Variants in SLC10A6 observed in about 807,000 individuals in gnomAD.
SLC10A6 encodes the protein solute carrier family 10 member 6, also known as sodium-dependent organic anion transporter.
A neutral mutation model predicts 30.0 loss-of-function variants in SLC10A6; 27 were observed. That is an observed-to-expected ratio of 0.90 (90% CI 0.66 to 1.24). The LOEUF is 1.24. Ranked by LOEUF, SLC10A6 falls within the 50% of genes most tolerant of loss-of-function variation. The pLI is 0.00. For missense variants in SLC10A6, 439 were observed against 457.0 expected (o/e 0.96, Z 0.36); for synonymous variants, 166 against 173.8 (o/e 0.95, Z 0.36).
intron 1 of SLC10A6, among the ~76,000 whole-genome samples, chr4:86,843,530 C>A (rs1286863753): frequency 6.6e-6 from 1 of 152,136 alleles, no homozygotes; most frequent in Admixed American, 6.5e-5. Flanking sequence ...TATTTAACCT[C>A]AGATCCACTC....
chr4:86,844,661 C>A (rs530934144), intron 1 of SLC10A6, among the ~76,000 whole-genome samples: 1 of 152,302 alleles, frequency 6.6e-6, no homozygotes, highest in African/African-American at 2.4e-5. Flanking sequence ...AATGAGAGAT[C>A]ATGTAGTAAG....
intron 4 of SLC10A6, 109 bp downstream of exon 4, chr4:86,827,884 T>C (rs1746022005): frequency 6.3e-6 from 6 of 958,386 alleles, no homozygotes; most frequent in Non-Finnish European, 6.0e-6. Flanking sequence ...TCGATTCCAC[T>C]ATGTAAGTCA....
At chr4:86,842,379 C>T (rs1344214710) in intron 1 of SLC10A6, among the ~76,000 whole-genome samples, 2 of 152,136 alleles carry the variant, frequency 1.3e-5, no homozygotes, top group Non-Finnish European at 2.9e-5. Context: ...TTGTATATAT[C>T]AAAAGTTCTC....
chr4:86,842,347 T>C (rs543184742), intron 1 of SLC10A6, among the ~76,000 whole-genome samples: 9 of 152,280 alleles, frequency 5.9e-5, no homozygotes, highest in Admixed American at 2.0e-4. Context: ...CATAAATACA[T>C]CCTTACGGAA....
intron 1 of SLC10A6, among the ~76,000 whole-genome samples, chr4:86,837,270 AGAAAGAAAGAAAGAAAAAGAAAGGAAGG>A (rs2149412448): frequency 1.6e-5 from 2 of 121,602 alleles, no homozygotes; most frequent in South Asian, 5.2e-4. Context: ...AAAGAAAGAA[AGAAAGAAAGAAAGAAAAAGAAAGGAAGG>A]AAGGAAGGAA....
At chr4:86,832,037 A>C (rs1050855014) in intron 2 of SLC10A6, among the ~76,000 whole-genome samples, 157 bp from the exon 3 acceptor site, 1 of 152,238 alleles carries the variant, frequency 6.6e-6, no homozygotes, top group Non-Finnish European at 1.5e-5. Context: ...TTGGCTCCAA[A>C]GTTATATAAG....
chr4:86,834,691 G>A (rs1268541220), intron 1 of SLC10A6, among the ~76,000 whole-genome samples: 1 of 152,146 alleles, frequency 6.6e-6, no homozygotes, highest in African/African-American at 2.4e-5. Flanking sequence ...CAAGGGGATT[G>A]GAAGTGTATT....
chr4:86,827,616 A>G (rs994798116), intron 4 of SLC10A6, among the ~76,000 whole-genome samples: 2 of 152,088 alleles, frequency 1.3e-5, no homozygotes, highest in African/African-American at 4.8e-5. Context: ...CTAAAGAACT[A>G]AAATTATCCT....
At chr4:86,848,239 A>G (rs1194583426) in intron 1 of SLC10A6, among the ~76,000 whole-genome samples, 1 of 152,190 alleles carries the variant, frequency 6.6e-6, no homozygotes, top group Admixed American at 6.5e-5. Flanking sequence ...TGGCCACCAG[A>G]CACCCCTAAA....
intron 1 of SLC10A6, among the ~76,000 whole-genome samples, chr4:86,837,328 A>AGAGGAAGGAAGTAG: frequency 6.7e-6 from 1 of 150,212 alleles, no homozygotes; most frequent in Admixed American, 6.6e-5. Context: ...GAAGGAAGGA[A>AGAGGAAGGAAGTAG]GGAAGGAAGG....
Position 86,833,325 on chromosome 4 carries a change from G to A in SLC10A6, c.477C>T (p.Thr159=). 2 of 1,613,448 alleles carry A rather than the reference G, an allele frequency of 1.2e-6. No individual in the cohort carries two copies. The highest frequency in any genetic ancestry group is 1.1e-5 in the South Asian group (1 of 91,050). ...ACAGACCTATGTTCTGATAAGGAATGGTGAGATTCTGCTGAAGACTCCAGG... is the reference window on the plus strand; with the variant it reads ...ACAGACCTATGTTCTGATAAGGAATAGTGAGATTCTGCTGAAGACTCCAGG... ...TWSWSLQQNL[T]IPYQNIGITL... is the part of the protein sequence containing the mutation. The change falls in exon 2 of 6, where the codon ACC becomes ACT. Residue 159 remains threonine (T), a synonymous_variant. Coordinates refer to ENST00000273905, the MANE Select transcript of SLC10A6 (RefSeq NM_197965.3).
intron 1 of SLC10A6, among the ~76,000 whole-genome samples, chr4:86,835,467 GAC>G (rs1746164036): frequency 6.6e-6 from 1 of 152,192 alleles, no homozygotes; most frequent in Non-Finnish European, 1.5e-5. Flanking sequence ...AGAAGTTCGA[GAC>G]CAGCCTGGCC....
Position 86,849,306 on chromosome 4 carries a change from C to T in SLC10A6, c.-191G>A, listed in dbSNP as rs1006141251. 65 of 642,674 alleles carry T rather than the reference C, an allele frequency of 1.0e-4. No individual in the cohort carries two copies. In the Middle Eastern group the frequency reaches 1.7e-3, roughly 17 times the overall value. The allele number at this position is 642,674 out of a possible 1,614,324, so 39.8% of individuals were successfully genotyped here. Reference sequence around the variant, plus strand: ...CAAGTGGCATTATAAAAGTAATTATCACAGGCATGAAACATATAATAAACT... The same window carrying T: ...CAAGTGGCATTATAAAAGTAATTATTACAGGCATGAAACATATAATAAACT... On this transcript the variant is annotated 5_prime_UTR_variant, in exon 1 of 6. Transcript: ENST00000273905.
At chr4:86,837,635 G>A (rs979455932) in intron 1 of SLC10A6, 80 of 985,070 alleles carry the variant, frequency 8.1e-5, no homozygotes, top group South Asian at 9.4e-5. Flanking sequence ...CTCCCAAATC[G>A]CAAGTTAAGG....
At position 86,823,469 on chromosome 4, in the gene SLC10A6, A is replaced by G. The variant is rs1488929036; in HGVS notation, c.*219T>C. On this transcript the variant is annotated 3_prime_UTR_variant, in exon 6 of 6. Coordinates refer to ENST00000273905, the MANE Select transcript of SLC10A6 (RefSeq NM_197965.3). Reference sequence around the variant, plus strand: ...AAGACAAGAACATACAAGGCAGCTCATTGATACGTTATGTTAACCCCCAGA... The same window carrying G: ...AAGACAAGAACATACAAGGCAGCTCGTTGATACGTTATGTTAACCCCCAGA... 1 of 475,630 alleles carries G rather than the reference A, an allele frequency of 2.1e-6. No homozygotes were observed. The highest frequency in any genetic ancestry group is 3.7e-6 in the Non-Finnish European group (1 of 271,520). 29.5% of individuals were successfully genotyped at this position (475,630 alleles called of 1,614,324 possible).
chr4:86,837,926 T>A (rs1746228638), intron 1 of SLC10A6, among the ~76,000 whole-genome samples: 2 of 152,204 alleles, frequency 1.3e-5, no homozygotes, highest in African/African-American at 2.4e-5. Flanking sequence ...CGTCAAGGTC[T>A]TCTGCATAGA....
chr4:86,828,160 G>A lies in SLC10A6; in HGVS notation c.594C>T (p.Ala198=), dbSNP rs576065075. The A allele has an allele frequency of 3.7e-6, 6 of 1,609,712 alleles. No homozygotes were observed. Among genetic ancestry groups the A allele is most frequent in the South Asian group, 3.3e-5 (3 of 90,640 alleles). The change falls in exon 4 of 6, where the codon GCC becomes GCT. Residue 198 remains alanine (A), a synonymous_variant. Coordinates refer to ENST00000273905, the MANE Select transcript of SLC10A6 (RefSeq NM_197965.3). ...KQSKIILKIG[A]VVGGVLLLVV... ...CCAGAAGGAGGACCCCACCAACAAC[G>A]GCCCCAATCTGAAGCAAACAATAAA...
intron 4 of SLC10A6, 92 bp from the exon 5 acceptor site, chr4:86,825,669 G>C (rs1182787444): frequency 1.5e-6 from 2 of 1,300,760 alleles, no homozygotes; most frequent in Non-Finnish European, 2.1e-6. Context: ...TAGAAGCTAT[G>C]ACCTCAGGCC....
At chr4:86,824,773 G>A (rs1468647446) in intron 5 of SLC10A6, among the ~76,000 whole-genome samples, 3 of 151,906 alleles carry the variant, frequency 2.0e-5, no homozygotes, top group East Asian at 1.9e-4. Context: ...CCATCTTTAT[G>A]TCCATGAGCA....
Sources: gnomAD v4.1 joint callset for allele counts (sites outside exome capture counted in the v4.1 genomes callset) on GRCh38, gnomAD v4.1.1 for gene constraint, MANE v1.5 for transcripts, NCBI Gene and HGNC (gene_info 2026-07-23, HGNC 2026-07-21) for gene names.